The following MEF2A variants were observed in gnomAD, a reference collection of about 807,000 sequenced individuals.
The protein encoded by MEF2A is myocyte-specific enhancer factor 2A.
MEF2A carries 28 observed loss-of-function variants against 55.8 expected under a neutral mutation model. The ratio of observed to expected loss-of-function variants is 0.50; its 90% confidence interval spans 0.37 to 0.69. The LOEUF is 0.69. Ranked by LOEUF, MEF2A falls within the 30% of genes least tolerant of loss-of-function variation. The pLI, the probability that MEF2A is intolerant of heterozygous loss-of-function variation, is 0.00. For synonymous variants in MEF2A, 239 were observed against 227.1 expected (o/e 1.05, Z -0.47); for missense variants, 528 against 626.2 (o/e 0.84, Z 1.67).
At chr15:99,580,845 T>C (rs1965719735) in intron 1 of MEF2A, among the ~76,000 whole-genome samples, 2 of 152,198 alleles carry the variant, frequency 1.3e-5, no homozygotes, top group South Asian at 4.1e-4. Context: ...ATTACCTCTT[T>C]ATATATTTAT....
At chr15:99,597,399 A>G (rs1443066914) in intron 1 of MEF2A, among the ~76,000 whole-genome samples, 1 of 152,062 alleles carries the variant, frequency 6.6e-6, no homozygotes, top group Non-Finnish European at 1.5e-5. Flanking sequence ...CGCCTAATAA[A>G]TTTTGGTCAG....
intron 1 of MEF2A, among the ~76,000 whole-genome samples, chr15:99,595,086 G>T (rs1475946151): frequency 6.6e-6 from 1 of 152,156 alleles, no homozygotes; most frequent in Non-Finnish European, 1.5e-5. Flanking sequence ...AGCATTCCTG[G>T]ATTCTAATCC....
chr15:99,693,030 G>A (rs751672675), intron 8 of MEF2A, among the ~76,000 whole-genome samples: 15 of 152,232 alleles, frequency 9.9e-5, no homozygotes, highest in Non-Finnish European at 1.9e-4. Flanking sequence ...AGGCACTAGG[G>A]GAAAACCTGG....
At chr15:99,619,508 A>G (rs141931582) in intron 2 of MEF2A, among the ~76,000 whole-genome samples, 1 of 152,316 alleles carries the variant, frequency 6.6e-6, no homozygotes, top group Non-Finnish European at 1.5e-5. Context: ...TAAGAATTTA[A>G]AAAGTTATGT....
chr15:99,605,040 GGTTCAAGCT>G (rs1275303478), intron 2 of MEF2A, among the ~76,000 whole-genome samples: 2 of 152,274 alleles, frequency 1.3e-5, no homozygotes, highest in African/African-American at 4.8e-5. Flanking sequence ...CCACCTCCCA[GGTTCAAGCT>G]GTTCTCTTGC....
chr15:99,581,349 A>G (rs908195971), intron 1 of MEF2A, among the ~76,000 whole-genome samples: 21 of 152,174 alleles, frequency 1.4e-4, no homozygotes, highest in Admixed American at 2.6e-4. Context: ...ATGGCTTTCA[A>G]ATGTTTAGAG....
chr15:99,706,667 G>T, intron 9 of MEF2A, 62 bp from the exon 10 acceptor site: 1 of 1,565,686 alleles, frequency 6.4e-7, no homozygotes, highest in East Asian at 2.2e-5. Context: ...TAAATTGAAA[G>T]TGATTTTTAA....
chr15:99,624,226 G>A (rs1474743370), intron 2 of MEF2A, among the ~76,000 whole-genome samples: 1 of 152,108 alleles, frequency 6.6e-6, no homozygotes, highest in Admixed American at 6.5e-5. Flanking sequence ...GTTGTTGATG[G>A]TGCTTTTGGT....
At chr15:99,601,861 G>C (rs1681336645) in intron 2 of MEF2A, among the ~76,000 whole-genome samples, 1 of 136,452 alleles carries the variant, frequency 7.3e-6, no homozygotes, top group South Asian at 2.4e-4. Flanking sequence ...GTGTGTGTCA[G>C]GGTAATGCTG....
intron 2 of MEF2A, among the ~76,000 whole-genome samples, chr15:99,607,134 G>A (rs530020826): frequency 6.6e-6 from 1 of 152,190 alleles, no homozygotes; most frequent in South Asian, 2.1e-4. Flanking sequence ...TGATGATTAG[G>A]GATATGTGCT....
intron 8 of MEF2A, 195 bp downstream of exon 8, chr15:99,690,623 T>A: frequency 1.4e-6 from 1 of 708,140 alleles, no homozygotes; most frequent in Non-Finnish European, 2.5e-6. Flanking sequence ...GAAATTTGCT[T>A]AACAGTTACT....
chr15:99,608,761 C>T (rs1976028441), intron 2 of MEF2A, among the ~76,000 whole-genome samples: 1 of 151,918 alleles, frequency 6.6e-6, no homozygotes, highest in African/African-American at 2.4e-5. Context: ...GTTAGCTGGG[C>T]GTGATGGCAG....
chr15:99,664,641 T>C (rs908433629), intron 4 of MEF2A, among the ~76,000 whole-genome samples: 5 of 152,102 alleles, frequency 3.3e-5, no homozygotes, highest in East Asian at 1.9e-4. Context: ...GGAAATAATA[T>C]ATAAAATTTG....
intron 4 of MEF2A, among the ~76,000 whole-genome samples, chr15:99,667,786 C>A (rs1445217274): frequency 1.3e-5 from 2 of 152,120 alleles, no homozygotes; most frequent in Non-Finnish European, 2.9e-5. Flanking sequence ...ATTTGCATTA[C>A]TCTCACTTTT....
intron 2 of MEF2A, among the ~76,000 whole-genome samples, chr15:99,622,247 C>G (rs1339718494): frequency 6.6e-6 from 1 of 152,024 alleles, no homozygotes; most frequent in Non-Finnish European, 1.5e-5. Flanking sequence ...TAATTTTTTC[C>G]TGCATTCCTG....
chr15:99,641,420 T>A (rs1196207124), intron 3 of MEF2A, among the ~76,000 whole-genome samples: 1 of 152,160 alleles, frequency 6.6e-6, no homozygotes, highest in African/African-American at 2.4e-5. Flanking sequence ...CCCAAACTGC[T>A]GTTTTAAAAA....
chr15:99,591,452 T>C (rs920120617), intron 1 of MEF2A, among the ~76,000 whole-genome samples: 1 of 152,204 alleles, frequency 6.6e-6, no homozygotes, highest in African/African-American at 2.4e-5. Context: ...TTCTTTGGCT[T>C]CTTGTAAGAT....
intron 1 of MEF2A, among the ~76,000 whole-genome samples, chr15:99,596,284 G>T (rs953997040): frequency 3.3e-5 from 5 of 151,842 alleles, no homozygotes; most frequent in South Asian, 2.1e-4. Context: ...TTGAATGATT[G>T]TATTTTAGAA....
At chr15:99,579,838 A>G (rs1428186285) in intron 1 of MEF2A, among the ~76,000 whole-genome samples, 2 of 152,070 alleles carry the variant, frequency 1.3e-5, no homozygotes, top group Non-Finnish European at 2.9e-5. Flanking sequence ...TTGCAATTTT[A>G]TGAGTCTTTT....
Sources: allele counts gnomAD v4.1 joint callset (sites outside exome capture counted in the v4.1 genomes callset), GRCh38; gene constraint gnomAD v4.1.1; transcripts MANE v1.5; gene names NCBI Gene and HGNC (gene_info 2026-07-23, HGNC 2026-07-21).